RASAL3: variants seen among roughly 807,000 people sequenced by gnomAD.
The protein encoded by RASAL3 is RAS protein activator like-3.
In RASAL3, 74 loss-of-function variants were observed where a neutral mutation model predicts 105.5. The ratio of observed to expected loss-of-function variants is 0.70; its 90% confidence interval spans 0.58 to 0.85. The LOEUF (loss-of-function observed/expected upper bound fraction) is 0.85, where lower values mean the gene tolerates loss of function less well. Ranked by LOEUF, RASAL3 falls within the 40% of genes least tolerant of loss-of-function variation. The pLI, the probability that RASAL3 is intolerant of heterozygous loss-of-function variation, is 0.00. For synonymous variants in RASAL3, 579 were observed against 591.6 expected, an observed-to-expected ratio of 0.98 and a Z score of 0.31; for missense variants, 1,352 against 1,392.0, an observed-to-expected ratio of 0.97 and a Z score of 0.46.
In RASAL3 at chr19:15,453,601, C is replaced by CTT. The variant is rs533308440; in HGVS notation, c.2280-106_2280-105dup. On this transcript the variant is annotated intron_variant, in intron 14 of 17. Coordinates refer to ENST00000343625, the MANE Select transcript of RASAL3 (RefSeq NM_022904.3). This position sits in a 1 kb window ranked among gnomAD's most constrained non-coding sequence, Gnocchi z 4.2. Reference sequence around the variant, plus strand: ...CACCCCCCACGTGAACTTGTCCTTTCTTTTTTTTTTTTGAGACAAGGTCTT... The same window carrying CTT: ...CACCCCCCACGTGAACTTGTCCTTTCTTTTTTTTTTTTTTGAGACAAGGTCTT... The CTT allele has an allele frequency of 3.1e-4, 299 of 964,996 alleles. No individual in the cohort carries two copies. The highest frequency in any genetic ancestry group is 3.7e-4 in the Middle Eastern group (1 of 2,710). The allele number at this position is 964,996 out of a possible 1,614,324, so 59.8% of individuals were successfully genotyped here.
At position 15,453,376 on chromosome 19, in the gene RASAL3, G is replaced by T. The variant is rs546889324; in HGVS notation, c.2401C>A (p.Arg801=). Residue 801 remains arginine (R), a synonymous_variant, in exon 15 of 18, where the codon CGG becomes AGG. Transcript: ENST00000343625. The surrounding 1 kb of genome is among the most constrained non-coding windows in gnomAD (Gnocchi z 4.2). ...VRRSESWARP[R]PDEERPLRRP... ...CGCAGGGGCCGCTCTTCGTCCGGCC[G>T]TGGCCGGGCCCAACTCTCTGAGCGG... 2.1e-6 allele frequency: 3 copies of T among 1,459,756 alleles called. No homozygotes were observed. The highest frequency in any genetic ancestry group is 1.5e-5 in the African/African-American group (1 of 66,738). 90.4% of individuals were successfully genotyped at this position (1,459,756 alleles called of 1,614,324 possible). A position where few individuals can be genotyped will look rare whatever the true frequency, so the allele number is the denominator to read the frequency against.
At position 15,456,403 on chromosome 19, in the gene RASAL3, C is replaced by T; in HGVS notation, c.1576+99G>A. The T allele has an allele frequency of 6.5e-7, 1 of 1,540,846 alleles. No individual in the cohort carries two copies. The highest frequency in any genetic ancestry group is 1.2e-5 in the South Asian group (1 of 83,604). ...GGATCCTAGCACCCCCAAAACACCA[C>T]TCACTACCAGAATCCAGGTTGCTCA... On this transcript the variant is annotated intron_variant, in intron 10 of 17. Transcript: ENST00000343625. The surrounding 1 kb of genome is among the most constrained non-coding windows in gnomAD (Gnocchi z 4.4).
intron 2 of RASAL3, among the ~76,000 whole-genome samples, chr19:15,462,227 C>T (rs1970533705): frequency 6.6e-6 from 1 of 152,062 alleles, no homozygotes; most frequent in African/African-American, 2.4e-5. Flanking sequence ...TGGCTCACAC[C>T]TGTAATCCTA....
rs778407403 is a variant in RASAL3 at position 15,454,679 on chromosome 19, G to T, written c.1936C>A (p.Gln646Lys). The change falls in exon 12 of 18, where the codon CAG becomes AAG. Residue 646 changes from glutamine to lysine, a missense_variant. Gln to Lys is a moderately conservative substitution (Grantham distance 53). Coordinates refer to ENST00000343625, the MANE Select transcript of RASAL3 (RefSeq NM_022904.3). ...TACGGGGCACGGTTGGCGAGGTTCT[G>T]GATGACCTTGGCAATCAGTGTGAGG... is the stretch of plus-strand genomic sequence containing the variant. ...RTLTLIAKVIQNLANRAPFGE... is the reference protein window; with the variant it reads ...RTLTLIAKVIKNLANRAPFGE... The T allele has an allele frequency of 1.2e-6, 2 of 1,609,310 alleles. No individual in the cohort carries two copies. The highest frequency in any genetic ancestry group is 1.7e-6 in the Non-Finnish European group (2 of 1,176,876).
At position 15,453,527 on chromosome 19, in the gene RASAL3, TC is replaced by T. The variant is rs1441335904; in HGVS notation, c.2280-31del. 3.4e-6 allele frequency: 5 copies of T among 1,481,150 alleles called. No individual in the cohort carries two copies. Among genetic ancestry groups the T allele is most frequent in the Non-Finnish European group, 4.4e-6 (5 of 1,125,786 alleles). The allele number at this position is 1,481,150 out of a possible 1,614,324, so 91.8% of individuals were successfully genotyped here. ...GGGTGGGATGGAGGATCTTAGACCC[TC>T]CACTGGCCCCTGAGACGACCCCATC... On this transcript the variant is annotated intron_variant, in intron 14 of 17. Coordinates refer to ENST00000343625, the MANE Select transcript of RASAL3 (RefSeq NM_022904.3). This position sits in a 1 kb window ranked among gnomAD's most constrained non-coding sequence, Gnocchi z 4.2.
At position 15,464,344 on chromosome 19, in the gene RASAL3, C is replaced by T; in HGVS notation, c.15G>A (p.Ser5=). The T allele has an allele frequency of 1.5e-6, 1 of 671,532 alleles. No homozygotes were observed. The highest frequency in any genetic ancestry group is 2.1e-6 in the Non-Finnish European group (1 of 480,144). The allele number at this position is 671,532 out of a possible 1,614,324, so 41.6% of individuals were successfully genotyped here. A position where few individuals can be genotyped will look rare whatever the true frequency, so the allele number is the denominator to read the frequency against. Residue 5 remains serine, a synonymous_variant, in exon 2 of 18, where the codon TCG becomes TCA. Transcript: ENST00000343625. MDPP[S]PSRTSQTQPT... is the part of the protein sequence containing the mutation. The stretch of plus-strand genomic sequence containing the variant: ...GCTGGGTTTGGGAGGTCCGGCTTGG[C>T]GACGGTGGGTCCATGGTTGGGGGGG...
chr19:15,463,246 T>C (rs6512034), intron 2 of RASAL3, among the ~76,000 whole-genome samples: 117,002 of 151,742 alleles, frequency 0.77, 45,772 homozygotes, highest in African/African-American at 0.91. Flanking sequence ...CCACCATGCC[T>C]AGATACTTTT....
At position 15,453,367 on chromosome 19, in the gene RASAL3, C is replaced by A; in HGVS notation, c.2410G>T (p.Glu804Ter). 1 of 1,445,044 alleles carries A rather than the reference C, an allele frequency of 6.9e-7. No homozygotes were observed. The highest frequency in any genetic ancestry group is 9.0e-7 in the Non-Finnish European group (1 of 1,105,266). The allele number at this position is 1,445,044 out of a possible 1,614,324, so 89.5% of individuals were successfully genotyped here. ...SESWARPRPD[E>*]ERPLRRPRPV... is the part of the protein sequence containing the mutation. ...CGGGGCCGCCGCAGGGGCCGCTCTT[C>A]GTCCGGCCGTGGCCGGGCCCAACTC... Residue 804 changes from glutamate to a stop codon, truncating the protein, a stop_gained, in exon 15 of 18, where the codon GAA (glutamate) becomes TAA (stop). Transcript: ENST00000343625. LOFTEE classifies it high-confidence loss of function. The surrounding 1 kb of genome is among the most constrained non-coding windows in gnomAD (Gnocchi z 4.2).
chr19:15,452,676 T>C lies in RASAL3; in HGVS notation c.2810A>G (p.Asp937Gly), dbSNP rs1198940395. 23 of 1,548,058 alleles carry C rather than the reference T, an allele frequency of 1.5e-5. No homozygotes were observed. The highest frequency in any genetic ancestry group is 2.0e-5 in the Non-Finnish European group (23 of 1,146,168). Residue 937 changes from aspartate (D) to glycine (G), a missense_variant, in exon 16 of 18, where the codon GAC becomes GGC. Physicochemically the swap from Asp to Gly is moderately conservative, Grantham distance 94. Transcript: ENST00000343625. ...GGCTCACCCAGCACGGAGCCTGGAG[T>C]CCAGATCCTGCAGCTGGCCCCGCAG... ...EQLRGQLQDLDSRLRAGSSEF... is the reference protein window; with the variant it reads ...EQLRGQLQDLGSRLRAGSSEF...
chr19:15,460,127 G>T, intron 6 of RASAL3, 76 bp downstream of exon 6: 3 of 1,239,412 alleles, frequency 2.4e-6, no homozygotes, highest in Non-Finnish European at 2.3e-6. Flanking sequence ...GGTGTAGATT[G>T]GAATGATATG....
chr19:15,457,041 C>A lies in RASAL3; in HGVS notation c.1431+251G>T. The A allele has an allele frequency of 2.3e-6, 1 of 428,070 alleles. No individual in the cohort carries two copies. Among genetic ancestry groups the A allele is most frequent in the Non-Finnish European group, 4.2e-6 (1 of 240,902 alleles). 26.5% of individuals were successfully genotyped at this position (428,070 alleles called of 1,614,324 possible). ...GCAGCTCAGCCCCAGCCCCTCACAG[C>A]TGACGCTCAGGTCCCGCCCTTCAAG... On this transcript the variant is annotated intron_variant, in intron 9 of 17. Transcript: ENST00000343625. This position sits in a 1 kb window ranked among gnomAD's most constrained non-coding sequence, Gnocchi z 8.6.
Position 15,453,055 on chromosome 19 carries a change from C to G in RASAL3, c.2670+52G>C. The G allele has an allele frequency of 6.2e-7, 1 of 1,608,364 alleles. No individual in the cohort carries two copies. The highest frequency in any genetic ancestry group is 8.5e-7 in the Non-Finnish European group (1 of 1,178,360). On this transcript the variant is annotated intron_variant, in intron 15 of 17. Coordinates refer to ENST00000343625, the MANE Select transcript of RASAL3 (RefSeq NM_022904.3). This position sits in a 1 kb window ranked among gnomAD's most constrained non-coding sequence, Gnocchi z 4.2. ...ACTTGCCTGGCCCTTCAGTCTTCCC[C>G]AGTCGCGTCCCTGTTCCCACTCCCC...
At position 15,456,062 on chromosome 19, in the gene RASAL3, G is replaced by A. The variant is rs775153048; in HGVS notation, c.1721+42C>T. The A allele has an allele frequency of 4.4e-6, 7 of 1,600,320 alleles. No homozygotes were observed. Among genetic ancestry groups the A allele is most frequent in the Non-Finnish European group, 6.0e-6 (7 of 1,170,408 alleles). The stretch of plus-strand genomic sequence containing the variant: ...TAAACTGGAGGTCGGGGCTAGCATG[G>A]TAAGCAGGGGTGGGCTAAGCTGCTG... On this transcript the variant is annotated intron_variant, in intron 11 of 17. Coordinates refer to ENST00000343625, the MANE Select transcript of RASAL3 (RefSeq NM_022904.3). The surrounding 1 kb of genome is among the most constrained non-coding windows in gnomAD (Gnocchi z 4.4).
chr19:15,454,127 C>T (rs1970241986), intron 14 of RASAL3, 22 bp downstream of exon 14: 2 of 1,526,774 alleles, frequency 1.3e-6, no homozygotes, highest in South Asian at 1.2e-5. Flanking sequence ...CCCATCAGAC[C>T]CCAGACCAGA....
At position 15,461,542 on chromosome 19, in the gene RASAL3, C is replaced by T. The variant is rs755654775; in HGVS notation, c.394G>A (p.Val132Met). 11 of 1,535,858 alleles carry T rather than the reference C, an allele frequency of 7.2e-6. No homozygotes were observed. Among genetic ancestry groups the T allele is most frequent in the African/African-American group, 2.8e-5 (2 of 71,924 alleles). Residue 132 changes from valine to methionine, a missense_variant, in exon 3 of 18, where the codon GTG (valine) becomes ATG (methionine). Physicochemically the swap from Val to Met is conservative, Grantham distance 21 (BLOSUM62 1). Around this residue, in one of 3 missense-constraint regions of RASAL3, gnomAD observed 344 missense variants for 339.6 expected, o/e 1.01. Transcript: ENST00000343625. ...AAGCCCCCAATGTCCCAGACAGGCA[C>T]GTTGGGTGTGGGGGCCTCAGGGATC... ...PQIPEAPTPN[V>M]PVWDIGGFTL...
intron 8 of RASAL3, 79 bp downstream of exon 8, chr19:15,458,249 C>G: frequency 7.2e-7 from 1 of 1,384,810 alleles, no homozygotes; most frequent in Non-Finnish European, 1.0e-6. Context: ...ATGGAGCGAG[C>G]TGGCTTTGGG....
rs1274052773 is a variant in RASAL3 at position 15,457,377 on chromosome 19, G to T, written c.1346C>A (p.Ala449Asp). Reference protein sequence around the residue: ...LTFHYARLCGALEPALPAQAK... With the variant: ...LTFHYARLCGDLEPALPAQAK... ...CTGCGCAGGCAGCGCGGGCTCCAGG[G>T]CCCCGCAGAGGCGCGCATAGTGGAA... Residue 449 changes from alanine (A) to aspartate (D), a missense_variant, in exon 9 of 18, where the codon GCC (alanine) becomes GAC (aspartate). Ala to Asp is a moderately radical substitution (Grantham distance 126). This residue lies in a region of RASAL3 where 920 missense variants were observed against 919.6 expected (regional missense o/e 1.00). Coordinates refer to ENST00000343625, the MANE Select transcript of RASAL3 (RefSeq NM_022904.3). This position sits in a 1 kb window ranked among gnomAD's most constrained non-coding sequence, Gnocchi z 8.6. The T allele has an allele frequency of 2.1e-6, 3 of 1,440,774 alleles. No individual in the cohort carries two copies. The South Asian group carries it at 3.9e-5, about 19-fold the overall frequency. 89.2% of individuals were successfully genotyped at this position (1,440,774 alleles called of 1,614,324 possible).
intron 16 of RASAL3, chr19:15,452,315 G>A (rs1167785980): frequency 3.2e-6 from 2 of 622,422 alleles, no homozygotes; most frequent in African/African-American, 3.7e-5. Context: ...ATCATCCCTT[G>A]GAGGTGGGGT....
intron 6 of RASAL3, among the ~76,000 whole-genome samples, chr19:15,459,898 T>C (rs1970455246): frequency 6.6e-6 from 1 of 152,196 alleles, no homozygotes; most frequent in Non-Finnish European, 1.5e-5. Context: ...CCTGGAATGC[T>C]TTTTCCACCC....
Sources: allele counts gnomAD v4.1 joint callset (sites outside exome capture counted in the v4.1 genomes callset), GRCh38; gene constraint gnomAD v4.1.1; regional missense constraint gnomAD v4.1.1; non-coding constraint Gnocchi (gnomAD v3.1); transcripts MANE v1.5; gene names NCBI Gene and HGNC (gene_info 2026-07-23, HGNC 2026-07-21).